The following PDE7A variants were observed in gnomAD, a reference collection of about 807,000 sequenced individuals.
PDE7A encodes high affinity 3',5'-cyclic-AMP phosphodiesterase 7A.
A neutral mutation model predicts 64.3 loss-of-function variants in PDE7A; 39 were observed. That is an observed-to-expected ratio of 0.61 (90% CI 0.47 to 0.79). The LOEUF (loss-of-function observed/expected upper bound fraction) is 0.79. Among genes scored for constraint, PDE7A ranks in the 30% least tolerant of loss-of-function variants. The pLI, the probability that PDE7A is intolerant of heterozygous loss-of-function variation, is 0.00. For synonymous variants in PDE7A, 203 were observed against 206.8 expected (o/e 0.98, Z 0.16); for missense variants, 470 against 582.8 (o/e 0.81, Z 1.99).
At chr8:65,818,435 C>A (rs181239794) in intron 1 of PDE7A, among the ~76,000 whole-genome samples, 1 of 152,170 alleles carries the variant, frequency 6.6e-6, no homozygotes, top group Non-Finnish European at 1.5e-5. Context: ...TATCTCTGCT[C>A]ATTTTTTTAA....
At chr8:65,747,825 G>A in intron 3 of PDE7A, 22 bp from the exon 4 acceptor site, 1 of 1,564,302 alleles carries the variant, frequency 6.4e-7, no homozygotes, top group Non-Finnish European at 8.7e-7. Flanking sequence ...AGAATAAAAG[G>A]TAAGTATAGC....
chr8:65,832,268 A>G (rs1482541895), intron 1 of PDE7A, among the ~76,000 whole-genome samples: 1 of 152,196 alleles, frequency 6.6e-6, no homozygotes, highest in African/African-American at 2.4e-5. Context: ...TTTAAGTGCT[A>G]ACATAATACA....
intron 1 of PDE7A, among the ~76,000 whole-genome samples, chr8:65,840,654 G>A (rs1235224178): frequency 6.6e-6 from 1 of 152,170 alleles, no homozygotes; most frequent in Non-Finnish European, 1.5e-5. Context: ...TTGGGCCAAC[G>A]GCATCACCAC....
Position 65,719,230 on chromosome 8 carries a change from G to A in PDE7A, c.*60C>T. 1 of 1,138,428 alleles carries A rather than the reference G, an allele frequency of 8.8e-7. No homozygotes were observed. The allele number at this position is 1,138,428 out of a possible 1,614,324, so 70.5% of individuals were successfully genotyped here. ...CAAGAGTTAAGTTCTCTCACCTCAAGACCCCATTTCACATTTCTAAAAACC... is the reference window on the plus strand; with the variant it reads ...CAAGAGTTAAGTTCTCTCACCTCAAAACCCCATTTCACATTTCTAAAAACC... On this transcript the variant is annotated 3_prime_UTR_variant, in exon 13 of 13. Transcript: ENST00000401827.
chr8:65,832,702 G>C (rs552439315), intron 1 of PDE7A, among the ~76,000 whole-genome samples: 2 of 152,130 alleles, frequency 1.3e-5, no homozygotes, highest in South Asian at 4.2e-4. Context: ...TGCCTAGGCT[G>C]GTCTCAAATT....
intron 3 of PDE7A, among the ~76,000 whole-genome samples, chr8:65,764,565 A>G (rs949105948): frequency 6.6e-6 from 1 of 152,218 alleles, no homozygotes; most frequent in Non-Finnish European, 1.5e-5. Context: ...TGAGCAAACT[A>G]TTTGTACACC....
At chr8:65,811,469 C>T (rs936123484) in intron 1 of PDE7A, among the ~76,000 whole-genome samples, 2 of 152,192 alleles carry the variant, frequency 1.3e-5, no homozygotes, top group South Asian at 2.1e-4. Flanking sequence ...GCCAACCCAA[C>T]GAGAAGCCAG....
Position 65,841,470 on chromosome 8 carries a change from G to C in PDE7A, c.39C>G (p.Asp13Glu). The part of the protein sequence containing the change: ...VCYQLPVLPL[D>E]RPVPQHVLSR... ...TGAGGACGTGCTGGGGGACCGGCCT[G>C]TCCAGGGGCAGTACCGGCAGCTGGT... Residue 13 changes from aspartate to glutamate, a missense_variant, in exon 1 of 13, where the codon GAC (aspartate) becomes GAG (glutamate). Transcript: ENST00000401827. The C allele has an allele frequency of 3.9e-6, 6 of 1,557,142 alleles. No homozygotes were observed. Among genetic ancestry groups the C allele is most frequent in the Non-Finnish European group, 5.2e-6 (6 of 1,157,184 alleles).
intron 3 of PDE7A, among the ~76,000 whole-genome samples, chr8:65,753,492 A>G (rs566698632): frequency 6.6e-6 from 1 of 152,326 alleles, no homozygotes; most frequent in South Asian, 2.1e-4. Flanking sequence ...TTAGCTTTGT[A>G]CTTCAGGGTG....
At chr8:65,761,963 C>T (rs1404743855) in intron 3 of PDE7A, among the ~76,000 whole-genome samples, 1 of 152,178 alleles carries the variant, frequency 6.6e-6, no homozygotes. Flanking sequence ...ACAAAAGAGG[C>T]CTTTAACAGA....
At chr8:65,811,482 G>A (rs1810259130) in intron 1 of PDE7A, among the ~76,000 whole-genome samples, 1 of 152,224 alleles carries the variant, frequency 6.6e-6, no homozygotes, top group Admixed American at 6.5e-5. Flanking sequence ...GAAGCCAGAC[G>A]GCATGAGAGG....
rs554363141 is a variant in PDE7A, at chr8:65,797,218, C to T, written c.139-14375G>A. ...ATGTCAAAGTCCTAACCCCCAGGTG[C>T]CTGTAAATGTGACCTCATTTGGAAA... On this transcript the variant is annotated intron_variant, in intron 1 of 12. Coordinates refer to ENST00000401827, the MANE Select transcript of PDE7A (RefSeq NM_001242318.3). Among the ~76,000 whole-genome samples the T allele has an allele frequency of 2.0e-5, 3 of 152,256 alleles. No individual in the cohort carries two copies. In the South Asian group the frequency reaches 6.2e-4, roughly 32 times the overall value.
chr8:65,816,160 T>C (rs1404859678), intron 1 of PDE7A, among the ~76,000 whole-genome samples: 2 of 152,196 alleles, frequency 1.3e-5, no homozygotes, highest in African/African-American at 4.8e-5. Context: ...TAAATATCAG[T>C]ACATAAAACC....
At chr8:65,776,472 T>C (rs967981516) in intron 3 of PDE7A, among the ~76,000 whole-genome samples, 11 of 152,162 alleles carry the variant, frequency 7.2e-5, no homozygotes, top group African/African-American at 2.2e-4. Context: ...ACTAAACCTA[T>C]ACAGATCAAT....
intron 1 of PDE7A, among the ~76,000 whole-genome samples, chr8:65,812,370 C>A (rs11987993): frequency 0.16 from 24,434 of 151,986 alleles, 2,391 homozygotes; most frequent in African/African-American, 0.28. Flanking sequence ...AGGCTAAATT[C>A]CTGCCTTATT....
intron 1 of PDE7A, among the ~76,000 whole-genome samples, chr8:65,819,919 A>G (rs918656239): frequency 6.6e-6 from 1 of 152,180 alleles, no homozygotes; most frequent in African/African-American, 2.4e-5. Flanking sequence ...TCAATGGCAA[A>G]CTGTCCTGAA....
At chr8:65,724,976 T>C (rs1040104637) in intron 9 of PDE7A, 55 bp from the exon 10 acceptor site, 5 of 1,202,266 alleles carry the variant, frequency 4.2e-6, no homozygotes, top group Non-Finnish European at 5.8e-6. Flanking sequence ...AACTATTTAT[T>C]GATTTTTTTT....
rs1250984699 is a variant in PDE7A, at chr8:65,715,139, T to G, written c.*4151A>C. ...ATGTAAAATAAATTTTGCATTCTGT[T>G]CTGTAATATTTACTTGCTTTTTAAA... On this transcript the variant is annotated 3_prime_UTR_variant, in exon 13 of 13. Coordinates refer to ENST00000401827, the MANE Select transcript of PDE7A (RefSeq NM_001242318.3). Among the ~76,000 whole-genome samples the G allele has an allele frequency of 1.3e-5, 2 of 152,220 alleles. No homozygotes were observed. The highest frequency in any genetic ancestry group is 2.9e-5 in the Non-Finnish European group (2 of 68,046).
At chr8:65,746,066 G>A (rs902884180) in intron 4 of PDE7A, among the ~76,000 whole-genome samples, 3 of 151,928 alleles carry the variant, frequency 2.0e-5, no homozygotes, top group African/African-American at 7.2e-5. Flanking sequence ...GAGAAGCTGG[G>A]ACTACAAGCA....
Sources: allele counts gnomAD v4.1 joint callset (sites outside exome capture counted in the v4.1 genomes callset), GRCh38; gene constraint gnomAD v4.1.1; transcripts MANE v1.5; gene names NCBI Gene and HGNC (gene_info 2026-07-23, HGNC 2026-07-21).